Variants in RPRD1A observed in about 807,000 individuals in gnomAD.
RPRD1A encodes the protein regulation of nuclear pre-mRNA domain-containing protein 1A.
A neutral mutation model predicts 37.8 loss-of-function variants in RPRD1A; 9 were observed. The ratio of observed to expected loss-of-function variants is 0.24; its 90% CI spans 0.14 to 0.42. RPRD1A has a LOEUF of 0.42. Among genes scored for constraint, RPRD1A ranks in the 10% least tolerant of loss-of-function variants. The pLI, the probability that RPRD1A is intolerant of heterozygous loss-of-function variation, is 1.00. For synonymous variants in RPRD1A, 138 were observed against 139.7 expected, an observed-to-expected ratio of 0.99 and a Z score of 0.08; for missense variants, 255 against 371.0, an observed-to-expected ratio of 0.69 and a Z score of 2.57.
Position 36,031,013 on chromosome 18 carries a change from T to C in RPRD1A, c.366A>G (p.Leu122=), listed in dbSNP as rs1357699851. The C allele has an allele frequency of 1.9e-6, 3 of 1,598,636 alleles. No homozygotes were observed. The highest frequency in any genetic ancestry group is 4.5e-5 in the East Asian group (2 of 44,712). The part of the protein sequence containing the change: ...EERSVYENDV[L]EQLKQALYGD... ...TACACAGAGCTTGTTTAAGTTGTTC[T>C]AATACATCATTTTCATAAACAGACC... is the stretch of plus-strand genomic sequence containing the variant. Residue 122 remains leucine, a synonymous_variant, in exon 3 of 7, where the codon TTA becomes TTG. Transcript: ENST00000399022.
At chr18:36,035,340 T>G (rs950892422) in intron 1 of RPRD1A, among the ~76,000 whole-genome samples, 3 of 152,244 alleles carry the variant, frequency 2.0e-5, no homozygotes, top group East Asian at 3.8e-4. Context: ...ACTTTTACTA[T>G]GTGCTACACA....
chr18:36,052,548 T>C (rs1009209306), intron 1 of RPRD1A, among the ~76,000 whole-genome samples: 1 of 152,164 alleles, frequency 6.6e-6, no homozygotes, highest in East Asian at 1.9e-4. Context: ...GACAGGGCTA[T>C]AGAAGAACAG....
chr18:36,033,299 C>CAAAAAAAAAAA (rs71166085), intron 2 of RPRD1A, among the ~76,000 whole-genome samples: 3 of 75,920 alleles, frequency 4.0e-5, no homozygotes, highest in African/African-American at 5.8e-5. Context: ...GACTCTGTCT[C>CAAAAAAAAAAA]AAAAAAAAAA....
intron 1 of RPRD1A, among the ~76,000 whole-genome samples, chr18:36,058,583 C>A (rs1191301103): frequency 1.3e-5 from 2 of 151,920 alleles, no homozygotes; most frequent in East Asian, 3.9e-4. Flanking sequence ...CGTTACGGGC[C>A]AAAGGGAAAT....
chr18:36,057,132 G>C (rs1339839435), intron 1 of RPRD1A, among the ~76,000 whole-genome samples: 1 of 147,194 alleles, frequency 6.8e-6, no homozygotes, highest in Non-Finnish European at 1.5e-5. Flanking sequence ...CAGGAGGATT[G>C]ATTGAGCCTG....
chr18:36,055,984 T>C (rs1913740270), intron 1 of RPRD1A, among the ~76,000 whole-genome samples: 1 of 152,158 alleles, frequency 6.6e-6, no homozygotes, highest in Admixed American at 6.5e-5. Flanking sequence ...AGCACTTCTA[T>C]CAAGGTCTCT....
chr18:36,034,807 A>T (rs1912074967), intron 1 of RPRD1A, among the ~76,000 whole-genome samples: 1 of 152,166 alleles, frequency 6.6e-6, no homozygotes, highest in African/African-American at 2.4e-5. Flanking sequence ...TCTAGATGTT[A>T]AGTATTCAAT....
intron 6 of RPRD1A, among the ~76,000 whole-genome samples, chr18:36,015,986 G>A (rs1910543581): frequency 6.6e-6 from 1 of 152,156 alleles, no homozygotes; most frequent in African/African-American, 2.4e-5. Flanking sequence ...TTTTAAAACA[G>A]TAAAATAAAA....
chr18:36,033,790 T>G lies in RPRD1A; in HGVS notation c.199A>C (p.Ile67Leu), dbSNP rs764828851. The G allele has an allele frequency of 6.2e-7, 1 of 1,613,354 alleles. No homozygotes were observed. Reference sequence around the variant, plus strand: ...GGCCCCTTCCTCTTGCTGTTCTGTATGACATCATTGGCTAGGTAGAGAAAA... The same window carrying G: ...GGCCCCTTCCTCTTGCTGTTCTGTAGGACATCATTGGCTAGGTAGAGAAAA... ...LTFLYLANDV[I>L]QNSKRKGPEF... The change falls in exon 2 of 7, where the codon ATA (isoleucine) becomes CTA (leucine). Residue 67 changes from isoleucine (I) to leucine (L), a missense_variant. By Grantham distance (5) the Ile-to-Leu change is conservative. Transcript: ENST00000399022.
chr18:36,020,677 A>T (rs1910937900), intron 6 of RPRD1A, among the ~76,000 whole-genome samples: 1 of 152,190 alleles, frequency 6.6e-6, no homozygotes, highest in African/African-American at 2.4e-5. Context: ...AAAAAAATAA[A>T]AAATTGGCCA....
chr18:36,063,064 C>G (rs2088948385), intron 1 of RPRD1A: 1 of 152,008 alleles, frequency 6.6e-6, no homozygotes, highest in Admixed American at 6.5e-5. Flanking sequence ...TCCCTCCAAA[C>G]AGAAACTCTT....
chr18:36,030,677 T>C (rs557709962), intron 4 of RPRD1A, 131 bp downstream of exon 4: 2 of 602,394 alleles, frequency 3.3e-6, no homozygotes, highest in East Asian at 2.8e-5. Flanking sequence ...GGAAGAGATA[T>C]TCATGTGGCT....
At chr18:36,023,811 A>T (rs1911170706) in intron 6 of RPRD1A, among the ~76,000 whole-genome samples, 1 of 152,218 alleles carries the variant, frequency 6.6e-6, no homozygotes, top group South Asian at 2.1e-4. Flanking sequence ...TTTTTTAGCA[A>T]TGAAGCATTT....
intron 1 of RPRD1A, chr18:36,064,248 G>C (rs1038640939): frequency 6.6e-6 from 1 of 151,992 alleles, no homozygotes; most frequent in African/African-American, 2.4e-5. Context: ...GAGGTGTAGA[G>C]AGAGAGGCGC....
intron 1 of RPRD1A, among the ~76,000 whole-genome samples, chr18:36,051,167 G>A (rs1598659173): frequency 6.6e-6 from 1 of 152,064 alleles, no homozygotes; most frequent in Non-Finnish European, 1.5e-5. Context: ...CTTAATTAAT[G>A]ATTAGGTGCT....
In RPRD1A at chr18:36,014,690, C is replaced by T. The variant is rs369678819; in HGVS notation, c.789+12210G>A. Reference sequence around the variant, plus strand: ...CCTGGGAGGCAGAGCTTGCAGTGAGCCGAGATCGCGCCACGGCACTCCAGC... The same window carrying T: ...CCTGGGAGGCAGAGCTTGCAGTGAGTCGAGATCGCGCCACGGCACTCCAGC... On this transcript the variant is annotated intron_variant, in intron 6 of 6. Coordinates refer to ENST00000399022, the MANE Select transcript of RPRD1A (RefSeq NM_018170.5). Among the ~76,000 whole-genome samples, 59 of 152,256 alleles carry T rather than the reference C, an allele frequency of 3.9e-4. 1 individual carries two copies. The highest frequency in any genetic ancestry group is 1.4e-3 in the African/African-American group (58 of 41,546).
intron 6 of RPRD1A, among the ~76,000 whole-genome samples, chr18:36,016,112 T>C (rs1402837948): frequency 6.6e-6 from 1 of 152,252 alleles, no homozygotes; most frequent in Non-Finnish European, 1.5e-5. Context: ...TAAATGCTTC[T>C]GATACTTATT....
intron 1 of RPRD1A, among the ~76,000 whole-genome samples, chr18:36,066,435 G>A (rs1374210561): frequency 6.6e-6 from 1 of 152,152 alleles, no homozygotes; most frequent in Non-Finnish European, 1.5e-5. Flanking sequence ...TCTACCCAAT[G>A]AATTAAGAAT....
intron 6 of RPRD1A, among the ~76,000 whole-genome samples, chr18:36,018,023 C>T (rs747917917): frequency 2.0e-5 from 3 of 152,162 alleles, no homozygotes; most frequent in Admixed American, 6.5e-5. Context: ...AATTTCAAGA[C>T]GATAATTTAC....
Sources: allele counts gnomAD v4.1 joint callset (sites outside exome capture counted in the v4.1 genomes callset), GRCh38; gene constraint gnomAD v4.1.1; transcripts MANE v1.5; gene names NCBI Gene and HGNC (gene_info 2026-07-23, HGNC 2026-07-21).